ALPK2: variants seen among roughly 807,000 people sequenced by gnomAD.
ALPK2 encodes the protein alpha kinase 2.
ALPK2 carries 127 observed loss-of-function variants against 163.1 expected under a neutral mutation model. The observed-to-expected ratio is 0.78, with a 90% CI of 0.67 to 0.90. The LOEUF (loss-of-function observed/expected upper bound fraction) is 0.90. Among genes scored for constraint, ALPK2 ranks in the 40% least tolerant of loss-of-function variants. ALPK2 has a pLI of 0.00. For missense variants in ALPK2, 2,360 were observed against 2,589.6 expected (o/e 0.91, Z 1.92); for synonymous variants, 953 against 959.1 (o/e 0.99, Z 0.12).
intron 9 of ALPK2, among the ~76,000 whole-genome samples, chr18:58,515,562 A>C (rs1338117132): frequency 1.3e-5 from 2 of 152,260 alleles, no homozygotes; most frequent in Non-Finnish European, 2.9e-5. Context: ...TTTTCTGAGC[A>C]AGAATCCAGA....
rs1355468306 is a variant in ALPK2, at chr18:58,523,987, G to A, written c.5577C>T (p.Cys1859=). 1 of 1,614,066 alleles carries A rather than the reference G, an allele frequency of 6.2e-7. No individual in the cohort carries two copies. The highest frequency in any genetic ancestry group is 8.5e-7 in the Non-Finnish European group (1 of 1,180,034). ...SPKDQGLYYC[C]IKNSYGKVTA... is the part of the protein sequence containing the mutation. The stretch of plus-strand genomic sequence containing the variant: ...TCACTTTTCCGTAGCTGTTCTTGAT[G>A]CAGCAGTAATAGAGTCCCTGGTCCT... Residue 1859 remains cysteine (C), a synonymous_variant, in exon 7 of 13, where the codon TGC becomes TGT. Coordinates refer to ENST00000361673, the MANE Select transcript of ALPK2 (RefSeq NM_052947.4).
intron 4 of ALPK2, among the ~76,000 whole-genome samples, chr18:58,551,619 T>C (rs1384940385): frequency 1.3e-5 from 2 of 152,210 alleles, no homozygotes; most frequent in African/African-American, 2.4e-5. Context: ...TGGTCTCCCA[T>C]TTACTGTCCA....
intron 5 of ALPK2, among the ~76,000 whole-genome samples, chr18:58,534,630 G>T (rs1425302793): frequency 6.6e-6 from 1 of 152,162 alleles, no homozygotes; most frequent in African/African-American, 2.4e-5. Flanking sequence ...TTCACACACT[G>T]GGGGAGGGGA....
chr18:58,507,025 C>A (rs1208577029), intron 10 of ALPK2, among the ~76,000 whole-genome samples: 1 of 152,182 alleles, frequency 6.6e-6, no homozygotes, highest in Admixed American at 6.5e-5. Flanking sequence ...CACGTAGATA[C>A]CACTTTCAAG....
Position 58,579,601 on chromosome 18 carries a change from C to T in ALPK2, c.1175G>A (p.Gly392Glu), listed in dbSNP as rs371505069. Residue 392 changes from glycine (G) to glutamate (E), a missense_variant, in exon 4 of 13, where the codon GGG (glycine) becomes GAG (glutamate). Gly to Glu is a moderately conservative substitution (Grantham distance 98). Transcript: ENST00000361673. ...GCGSRVSGDA[G>E]PMVATAGFCG... is the part of the protein sequence containing the mutation. ...GAAGCCAGCAGTGGCAACCATAGGC[C>T]CAGCGTCACCCGACACCCGAGACCC... 1.2e-6 allele frequency: 2 copies of T among 1,613,406 alleles called. No individual in the cohort carries two copies. Among genetic ancestry groups the T allele is most frequent in the South Asian group, 2.2e-5 (2 of 91,034 alleles).
rs1568087065 is a variant in ALPK2, at chr18:58,565,774, T to TTCCTTC, written c.1962+13039_1962+13040insGAAGGA. Among the ~76,000 whole-genome samples the TTCCTTC allele has an allele frequency of 6.8e-4, 77 of 113,624 alleles. 1 individual carries two copies. Among genetic ancestry groups the TTCCTTC allele is most frequent in the African/African-American group, 2.3e-3 (72 of 31,408 alleles). The allele number at this position is 113,624 out of a possible 152,430, so 74.5% of individuals were successfully genotyped here. A position where few individuals can be genotyped will look rare whatever the true frequency, so the allele number is the denominator to read the frequency against. ...TCCTTCCTTCCTTCCTTCCTTCCTT[T>TTCCTTC]CTTTCTTTCTTTCTTCCTTTCTTCC... On this transcript the variant is annotated intron_variant, in intron 4 of 12. Coordinates refer to ENST00000361673, the MANE Select transcript of ALPK2 (RefSeq NM_052947.4).
chr18:58,527,448 C>T (rs2051590116), intron 6 of ALPK2, among the ~76,000 whole-genome samples: 1 of 152,200 alleles, frequency 6.6e-6, no homozygotes, highest in South Asian at 2.1e-4. Flanking sequence ...AGGCCTTAGC[C>T]ACGCGTCATC....
rs1240765109 is a variant in ALPK2, at chr18:58,580,437, C to A, written c.339G>T (p.Leu113Phe). The change falls in exon 4 of 13, where the codon TTG becomes TTT. Residue 113 changes from leucine (L) to phenylalanine (F), a missense_variant. Transcript: ENST00000361673. The part of the protein sequence containing the change: ...EVECSSENPQ[L>F]SPNLEDDRDR... ...CCCTGTCATCTTCCAGGTTAGGAGA[C>A]AATTGTGGGTTCTCTGATGAGCACT... The A allele has an allele frequency of 5.0e-6, 8 of 1,614,054 alleles. No homozygotes were observed. The Admixed American group carries it at 1.0e-4, about 20-fold the overall frequency.
chr18:58,524,747 ACCTAATGAGAGAACTATGTTT>A (rs1411507987), intron 6 of ALPK2, among the ~76,000 whole-genome samples: 1 of 152,168 alleles, frequency 6.6e-6, no homozygotes, highest in African/African-American at 2.4e-5. Flanking sequence ...CCTCAGAACA[ACCTAATGAGAGAACTATGTTT>A]ACTATTCTCA....
At chr18:58,596,535 C>T (rs939370143) in intron 3 of ALPK2, among the ~76,000 whole-genome samples, 1 of 152,216 alleles carries the variant, frequency 6.6e-6, no homozygotes, top group African/African-American at 2.4e-5. Context: ...AGAAAGGGAG[C>T]AGTCACTGAC....
chr18:58,572,878 T>A (rs1361174073), intron 4 of ALPK2, among the ~76,000 whole-genome samples: 1 of 152,128 alleles, frequency 6.6e-6, no homozygotes, highest in Non-Finnish European at 1.5e-5. Context: ...ACTGGGGAAA[T>A]CCAAATTACA....
chr18:58,589,455 G>A lies in ALPK2; in HGVS notation c.228-8907C>T, dbSNP rs117995476. 8.7e-3 allele frequency among the ~76,000 whole-genome samples: 1,319 copies of A among 152,218 alleles called. 19 individuals are homozygous for A. Among genetic ancestry groups the A allele is most frequent in the Non-Finnish European group, 9.1e-3 (616 of 68,038 alleles). On this transcript the variant is annotated intron_variant, in intron 3 of 12. Coordinates refer to ENST00000361673, the MANE Select transcript of ALPK2 (RefSeq NM_052947.4). ...AAAAATATGAGTAAGAACTAAGCAG[G>A]ACAAGAATCCACAGGACTAGTAACC...
At chr18:58,581,252 GA>G (rs1406554746) in intron 3 of ALPK2, among the ~76,000 whole-genome samples, 1 of 152,190 alleles carries the variant, frequency 6.6e-6, no homozygotes, top group African/African-American at 2.4e-5. Flanking sequence ...ATGGCATAGA[GA>G]ACCCTCAAAT....
chr18:58,509,842 C>A (rs546183464), intron 10 of ALPK2, among the ~76,000 whole-genome samples: 2 of 151,474 alleles, frequency 1.3e-5, no homozygotes, highest in East Asian at 3.9e-4. Flanking sequence ...GTTGCCTGTT[C>A]ACTCTGATGG....
In ALPK2 at chr18:58,580,379, C is replaced by G. The variant is rs746017012; in HGVS notation, c.397G>C (p.Glu133Gln). 2.5e-6 allele frequency: 4 copies of G among 1,614,182 alleles called. No homozygotes were observed. The highest frequency in any genetic ancestry group is 3.4e-6 in the Non-Finnish European group (4 of 1,180,030). ...RGWKHETGTH[E>Q]EERANQIDEK... ...TCAATCTGATTTGCCCTTTCTTCTTCATGTGTCCCTGTTTCATGTTTCCAA... is the reference window on the plus strand; with the variant it reads ...TCAATCTGATTTGCCCTTTCTTCTTGATGTGTCCCTGTTTCATGTTTCCAA... The change falls in exon 4 of 13, where the codon GAA (glutamate) becomes CAA (glutamine). Residue 133 changes from glutamate (E) to glutamine (Q), a missense_variant. Glu to Gln is a conservative substitution (Grantham distance 29). Coordinates refer to ENST00000361673, the MANE Select transcript of ALPK2 (RefSeq NM_052947.4).
intron 4 of ALPK2, among the ~76,000 whole-genome samples, chr18:58,550,848 C>G (rs1419979426): frequency 2.7e-5 from 4 of 146,082 alleles, no homozygotes; most frequent in Non-Finnish European, 6.1e-5. Flanking sequence ...TCCTCATCTC[C>G]AAAACATACA....
intron 12 of ALPK2, among the ~76,000 whole-genome samples, chr18:58,489,796 G>A (rs971333301): frequency 1.3e-5 from 2 of 151,884 alleles, no homozygotes; most frequent in Non-Finnish European, 2.9e-5. Flanking sequence ...TCTCCTGGCC[G>A]GGCATGGTGG....
intron 4 of ALPK2, among the ~76,000 whole-genome samples, chr18:58,552,802 G>C (rs929191849): frequency 1.3e-5 from 2 of 152,164 alleles, no homozygotes; most frequent in African/African-American, 4.8e-5. Flanking sequence ...ATGAAGCCTG[G>C]GCTACCGTGG....
In ALPK2 at chr18:58,591,384, G is replaced by A. The variant is rs184958829; in HGVS notation, c.228-10836C>T. 3.9e-5 allele frequency among the ~76,000 whole-genome samples: 6 copies of A among 152,334 alleles called. No homozygotes were observed. The South Asian group carries it at 1.2e-3, about 32-fold the overall frequency. On this transcript the variant is annotated intron_variant, in intron 3 of 12. Coordinates refer to ENST00000361673, the MANE Select transcript of ALPK2 (RefSeq NM_052947.4). ...AAAGCATTGTGTTAGCCACTATGTG[G>A]ATGATAAAGATGTGAAATTCCTAGG...
Sources: allele counts gnomAD v4.1 joint callset (sites outside exome capture counted in the v4.1 genomes callset), GRCh38; gene constraint gnomAD v4.1.1; transcripts MANE v1.5; gene names NCBI Gene and HGNC (gene_info 2026-07-23, HGNC 2026-07-21).